Variants in EPHA4 observed in about 807,000 individuals in gnomAD.
EPHA4 encodes the protein EPH receptor A4.
Under a neutral mutation model 108.3 loss-of-function variants are expected in EPHA4, and 19 were observed. The observed-to-expected ratio is 0.18, with a 90% CI of 0.12 to 0.26. The LOEUF (loss-of-function observed/expected upper bound fraction) is 0.26, where lower values mean the gene tolerates loss of function less well. Ranked by LOEUF, EPHA4 falls within the 10% of genes least tolerant of loss-of-function variation. The pLI, the probability that EPHA4 is intolerant of heterozygous loss-of-function variation, is 1.00. For missense variants in EPHA4, 917 were observed against 1,254.0 expected, an observed-to-expected ratio of 0.73 and a Z score of 4.06; for synonymous variants, 449 against 455.5, an observed-to-expected ratio of 0.99 and a Z score of 0.18.
Position 221,571,733 on chromosome 2 carries a change from T to G in EPHA4, c.91+425A>C, listed in dbSNP as rs993480307. ...TGCAGAAACCAGAGCTCGAAAGGCTTTCGCTAGAATCCGGGAGCACCAAGC... is the reference window on the plus strand; with the variant it reads ...TGCAGAAACCAGAGCTCGAAAGGCTGTCGCTAGAATCCGGGAGCACCAAGC... On this transcript the variant is annotated intron_variant, in intron 1 of 17. Transcript: ENST00000281821. The surrounding 1 kb of genome is among the most constrained non-coding windows in gnomAD (Gnocchi z 6.3). Among the ~76,000 whole-genome samples the G allele has an allele frequency of 2.0e-5, 3 of 152,142 alleles. No individual in the cohort carries two copies. Among genetic ancestry groups the G allele is most frequent in the Non-Finnish European group, 4.4e-5 (3 of 68,016 alleles).
intron 7 of EPHA4, among the ~76,000 whole-genome samples, chr2:221,456,245 C>A (rs529239931): frequency 6.6e-6 from 1 of 151,036 alleles, no homozygotes; most frequent in African/African-American, 2.4e-5. Flanking sequence ...ATATTTTTGG[C>A]GCCTTCTTTA....
intron 3 of EPHA4, among the ~76,000 whole-genome samples, chr2:221,557,963 T>C (rs1694352960): frequency 1.3e-5 from 2 of 152,220 alleles, no homozygotes; most frequent in Admixed American, 6.5e-5. Flanking sequence ...TGATTACACA[T>C]TAATGTGTTA....
chr2:221,558,146 A>G (rs1212809357), intron 3 of EPHA4, among the ~76,000 whole-genome samples: 2 of 152,246 alleles, frequency 1.3e-5, no homozygotes, highest in Non-Finnish European at 2.9e-5. Flanking sequence ...CAAGCATCAT[A>G]AAAACAGGAT....
chr2:221,511,817 T>C (rs1478921111), intron 3 of EPHA4, among the ~76,000 whole-genome samples: 1 of 152,246 alleles, frequency 6.6e-6, no homozygotes, highest in Non-Finnish European at 1.5e-5. Context: ...AAAAACATGT[T>C]ATTTCCTTAA....
At chr2:221,539,951 T>C (rs1044562339) in intron 3 of EPHA4, among the ~76,000 whole-genome samples, 1 of 152,290 alleles carries the variant, frequency 6.6e-6, no homozygotes, top group Non-Finnish European at 1.5e-5. Context: ...GGAGTCTCAC[T>C]CTGTTGCCCA....
intron 15 of EPHA4, 119 bp downstream of exon 15, chr2:221,429,839 G>T: frequency 1.9e-6 from 2 of 1,042,350 alleles, no homozygotes. Context: ...AAGCCACCCA[G>T]GTTGCAGAGA....
At chr2:221,547,942 T>C (rs1262473162) in intron 3 of EPHA4, among the ~76,000 whole-genome samples, 2 of 152,224 alleles carry the variant, frequency 1.3e-5, no homozygotes, top group Admixed American at 6.5e-5. Context: ...CCAGATACTT[T>C]TGTGAAACGT....
chr2:221,572,481 C>G, upstream of EPHA4: 1 of 315,388 alleles, frequency 3.2e-6, no homozygotes, highest in Admixed American at 5.3e-5. Flanking sequence ...ACGGGGCGCG[C>G]GGTCTCCCGG....
chr2:221,523,064 A>G (rs1483496894), intron 3 of EPHA4, among the ~76,000 whole-genome samples: 1 of 151,828 alleles, frequency 6.6e-6, no homozygotes, highest in East Asian at 1.9e-4. Flanking sequence ...CGCCCAGCCA[A>G]AAGATTTTTT....
At position 221,498,813 on chromosome 2, in the gene EPHA4, G is replaced by A. The variant is rs548810775; in HGVS notation, c.979+2204C>T. On this transcript the variant is annotated intron_variant, in intron 4 of 17. Transcript: ENST00000281821. ...TTCTTTTTTTTTTTTTTTTTGAGAC[G>A]ACAGAGTTTCCTCTGTCATCTAGGG... 3.4e-3 allele frequency among the ~76,000 whole-genome samples: 469 copies of A among 137,304 alleles called. 5 individuals are homozygous for A. The highest frequency in any genetic ancestry group is 0.012 in the African/African-American group (450 of 36,226). 90.1% of individuals were successfully genotyped at this position (137,304 alleles called of 152,430 possible). A position where few individuals can be genotyped will look rare whatever the true frequency, so the allele number is the denominator to read the frequency against.
At chr2:221,540,457 G>C (rs1328671783) in intron 3 of EPHA4, among the ~76,000 whole-genome samples, 1 of 152,166 alleles carries the variant, frequency 6.6e-6, no homozygotes, top group African/African-American at 2.4e-5. Flanking sequence ...AAATACGCCA[G>C]TTTTGATCAA....
chr2:221,530,450 A>C (rs1228096954), intron 3 of EPHA4, among the ~76,000 whole-genome samples: 1 of 152,220 alleles, frequency 6.6e-6, no homozygotes, highest in Non-Finnish European at 1.5e-5. Context: ...AGTAGGAAGC[A>C]AATTCTAGAA....
rs1694677881 is a variant in EPHA4, at chr2:221,566,951, A to AAGAG, written c.159+1766_159+1767insCTCT. On this transcript the variant is annotated intron_variant, in intron 2 of 17. Coordinates refer to ENST00000281821, the MANE Select transcript of EPHA4 (RefSeq NM_004438.5). ...GAGAAGGAGAAGGAGAAGGAGAAGG[A>AAGAG]GAAGGGGAAGAGGAAGAGGAAGAAG... Among the ~76,000 whole-genome samples the AAGAG allele has an allele frequency of 9.7e-4, 47 of 48,624 alleles. 12 individuals are homozygous for AAGAG. Among genetic ancestry groups the AAGAG allele is most frequent in the South Asian group, 2.8e-3 (4 of 1,440 alleles). The allele number at this position is 48,624 out of a possible 152,430, so 31.9% of individuals were successfully genotyped here.
At chr2:221,521,892 G>A (rs1364555191) in intron 3 of EPHA4, among the ~76,000 whole-genome samples, 2 of 152,154 alleles carry the variant, frequency 1.3e-5, no homozygotes, top group African/African-American at 4.8e-5. Context: ...CATGAGAATC[G>A]CTTGAACCCA....
At chr2:221,523,851 G>T (rs1227043776) in intron 3 of EPHA4, among the ~76,000 whole-genome samples, 2 of 151,938 alleles carry the variant, frequency 1.3e-5, no homozygotes, top group Non-Finnish European at 2.9e-5. Flanking sequence ...CTCCCAAAGT[G>T]CTGGGATTAC....
rs1207092426 is a variant in EPHA4, at chr2:221,426,570, C to G, written c.2740G>C (p.Val914Leu). The change falls in exon 16 of 18, where the codon GTA becomes CTA. Residue 914 changes from valine to leucine, a missense_variant. Around this residue, in one of 3 missense-constraint regions of EPHA4, gnomAD observed 133 missense variants for 132.8 expected, o/e 1.00. Coordinates refer to ENST00000281821, the MANE Select transcript of EPHA4 (RefSeq NM_004438.5). ...DPSSPEFSAV[V>L]SVGDWLQAIK... ...GCCTGGAGCCAATCGCCCACTGATA[C>G]CACAGCAGAGAATTCAGGGGAGCTT... The G allele has an allele frequency of 3.7e-6, 6 of 1,613,842 alleles. No individual in the cohort carries two copies. Among genetic ancestry groups the G allele is most frequent in the Middle Eastern group, 1.6e-4 (1 of 6,084 alleles).
chr2:221,526,984 G>A (rs1443988823), intron 3 of EPHA4, among the ~76,000 whole-genome samples: 13 of 149,028 alleles, frequency 8.7e-5, no homozygotes, highest in African/African-American at 2.7e-4. Context: ...AAATTAAGCC[G>A]GGCGTGGTGG....
chr2:221,570,809 T>C (rs755498729), intron 1 of EPHA4, among the ~76,000 whole-genome samples: 2 of 151,672 alleles, frequency 1.3e-5, no homozygotes, highest in African/African-American at 2.4e-5. Flanking sequence ...GAGGGATGGA[T>C]GGACGGACGG....
intron 8 of EPHA4, among the ~76,000 whole-genome samples, chr2:221,447,503 A>G (rs116271809): frequency 0.011 from 1,704 of 152,282 alleles, 15 homozygotes; most frequent in Non-Finnish European, 0.012. Flanking sequence ...ACATGCTCCA[A>G]CCTTCCCTCC....
Sources: allele counts gnomAD v4.1 joint callset (sites outside exome capture counted in the v4.1 genomes callset), GRCh38; gene constraint gnomAD v4.1.1; regional missense constraint gnomAD v4.1.1; non-coding constraint Gnocchi (gnomAD v3.1); transcripts MANE v1.5; gene names NCBI Gene and HGNC (gene_info 2026-07-23, HGNC 2026-07-21).